CDC42SE2: variants seen among roughly 807,000 people sequenced by gnomAD.
The protein encoded by CDC42SE2 is CDC42 small effector protein 2.
A neutral mutation model predicts 11.5 loss-of-function variants in CDC42SE2; 3 were observed. The ratio of observed to expected loss-of-function variants is 0.26; its 90% CI spans 0.12 to 0.67. CDC42SE2 has a LOEUF of 0.67. CDC42SE2 is among the 30% of genes least tolerant of loss of function. The pLI is 0.80. For missense variants in CDC42SE2, 82 were observed against 106.8 expected (o/e 0.77, Z 1.02); for synonymous variants, 33 against 34.8 (o/e 0.95, Z 0.18).
intron 4 of CDC42SE2, among the ~76,000 whole-genome samples, chr5:131,389,752 C>T (rs962653248): frequency 6.6e-6 from 1 of 152,166 alleles, no homozygotes; most frequent in Admixed American, 6.5e-5. Flanking sequence ...TGCCCCGGTT[C>T]CTTCCAAATT....
At chr5:131,230,261 C>A in the CDC42SE2 span, among the ~76,000 whole-genome samples, 1 of 152,164 alleles carries the variant, frequency 6.6e-6, no homozygotes, top group Non-Finnish European at 1.5e-5. Context: ...GGGCAGGCAT[C>A]TTTGTCCTGT....
chr5:131,344,067 G>T (rs112356757), intron 2 of CDC42SE2, among the ~76,000 whole-genome samples: 7,319 of 152,258 alleles, frequency 0.048, 496 homozygotes, highest in African/African-American at 0.15. Context: ...TGGCTGAGTA[G>T]GAACAGCTCC....
At chr5:131,296,305 T>G (rs941464505) in intron 1 of CDC42SE2, among the ~76,000 whole-genome samples, 1 of 152,204 alleles carries the variant, frequency 6.6e-6, no homozygotes, top group African/African-American at 2.4e-5. Flanking sequence ...TTTTTTGCTC[T>G]CCTCATCAAA....
At chr5:131,347,931 T>C (rs1156948240) in intron 2 of CDC42SE2, among the ~76,000 whole-genome samples, 1 of 152,178 alleles carries the variant, frequency 6.6e-6, no homozygotes, top group Non-Finnish European at 1.5e-5. Context: ...AAAAGGCCTT[T>C]GACAAAATTC....
intron 1 of CDC42SE2, among the ~76,000 whole-genome samples, chr5:131,306,762 T>C (rs533570223): frequency 1.3e-5 from 2 of 152,320 alleles, no homozygotes; most frequent in East Asian, 3.9e-4. Flanking sequence ...GTCTACAGTT[T>C]CTTTCATCAG....
intron 2 of CDC42SE2, among the ~76,000 whole-genome samples, chr5:131,316,965 T>C (rs1259962674): frequency 6.6e-6 from 1 of 152,240 alleles, no homozygotes; most frequent in Admixed American, 6.5e-5. Flanking sequence ...CCTTACAAGC[T>C]TTATGAAGTC....
chr5:131,377,262 G>A (rs547596521), intron 3 of CDC42SE2, among the ~76,000 whole-genome samples: 3 of 150,938 alleles, frequency 2.0e-5, no homozygotes, highest in Admixed American at 6.6e-5. Context: ...TCTGCCTCCC[G>A]GGTTCAAACG....
intron 1 of CDC42SE2, among the ~76,000 whole-genome samples, chr5:131,288,437 C>T (rs866193278): frequency 6.6e-6 from 1 of 152,118 alleles, no homozygotes; most frequent in South Asian, 2.1e-4. Flanking sequence ...TGAGTAGTTT[C>T]AGTATGGTGA....
At chr5:131,358,431 C>A (rs1749616694) in intron 2 of CDC42SE2, among the ~76,000 whole-genome samples, 1 of 152,094 alleles carries the variant, frequency 6.6e-6, no homozygotes, top group Non-Finnish European at 1.5e-5. Context: ...AAACCATCTT[C>A]CACATGAGGT....
chr5:131,335,578 C>G (rs1399008899), intron 2 of CDC42SE2, among the ~76,000 whole-genome samples: 1 of 152,104 alleles, frequency 6.6e-6, no homozygotes, highest in African/African-American at 2.4e-5. Context: ...GTTAAAGTCT[C>G]CCGTTATTAT....
the CDC42SE2 span, among the ~76,000 whole-genome samples, chr5:131,213,499 A>G: frequency 1.2e-4 from 19 of 152,118 alleles, no homozygotes; most frequent in East Asian, 2.7e-3. Context: ...CTCAGGGTGG[A>G]GTGCAGTGGC....
chr5:131,306,111 G>A (rs900529204), intron 1 of CDC42SE2, among the ~76,000 whole-genome samples: 1 of 152,118 alleles, frequency 6.6e-6, no homozygotes. Flanking sequence ...CAATTCTTAC[G>A]TTTTAAATTA....
intron 1 of CDC42SE2, among the ~76,000 whole-genome samples, chr5:131,305,798 G>C (rs1241573672): frequency 6.6e-6 from 1 of 151,982 alleles, no homozygotes; most frequent in Admixed American, 6.6e-5. Flanking sequence ...CTGTATATTT[G>C]GGGTTATATC....
intron 1 of CDC42SE2, among the ~76,000 whole-genome samples, chr5:131,287,320 G>A (rs1481663075): frequency 6.6e-6 from 1 of 152,084 alleles, no homozygotes; most frequent in Non-Finnish European, 1.5e-5. Context: ...TTTAAAGGTG[G>A]TAAGGTTAAC....
intron 1 of CDC42SE2, among the ~76,000 whole-genome samples, chr5:131,314,190 A>G (rs916955613): frequency 6.6e-6 from 1 of 151,072 alleles, no homozygotes; most frequent in South Asian, 2.1e-4. Flanking sequence ...TTCATAATTC[A>G]TACTTTTACA....
the CDC42SE2 span, among the ~76,000 whole-genome samples, chr5:131,223,995 G>T: frequency 6.6e-6 from 1 of 152,176 alleles, no homozygotes; most frequent in Non-Finnish European, 1.5e-5. Flanking sequence ...CCTCCTGGTT[G>T]CACCCTCTAC....
chr5:131,298,073 A>G (rs373514632), intron 1 of CDC42SE2, among the ~76,000 whole-genome samples: 2 of 151,794 alleles, frequency 1.3e-5, no homozygotes, highest in African/African-American at 2.4e-5. Flanking sequence ...GGTTAGAGTA[A>G]TGTGCTTTCA....
intron 1 of CDC42SE2, among the ~76,000 whole-genome samples, chr5:131,295,488 CAT>C (rs1757551594): frequency 6.6e-6 from 1 of 152,024 alleles, no homozygotes; most frequent in Non-Finnish European, 1.5e-5. Context: ...CTCCAAGACA[CAT>C]GTGAAGTGGT....
In CDC42SE2 at chr5:131,246,113, G is replaced by T. The variant is rs575655610; in HGVS notation, n.107+514G>T. ...TTGAGTCATGCTTTCTTTCCCTGAG[G>T]ACTTTGGGTTCCTTGAGGATATTAT... On this transcript the variant is annotated intron_variant and non_coding_transcript_variant, in intron 1 of 3. Coordinates refer to the CDC42SE2 transcript ENST00000502840. Among the ~76,000 whole-genome samples, 173 of 152,242 alleles carry T rather than the reference G, an allele frequency of 1.1e-3. 5 individuals are homozygous for T. In the South Asian group the frequency reaches 0.035, roughly 30 times the overall value.
Sources: allele counts gnomAD v4.1 joint callset (sites outside exome capture counted in the v4.1 genomes callset), GRCh38; gene constraint gnomAD v4.1.1; transcripts MANE v1.5; gene names NCBI Gene and HGNC (gene_info 2026-07-23, HGNC 2026-07-21).